NDUFAF7: variants seen among roughly 807,000 people sequenced by gnomAD.
NDUFAF7 encodes protein arginine methyltransferase NDUFAF7, mitochondrial.
NDUFAF7 carries 48 observed loss-of-function variants against 47.2 expected under a neutral mutation model. That is an observed-to-expected ratio of 1.02 (90% CI 0.81 to 1.29). The LOEUF (loss-of-function observed/expected upper bound fraction) is 1.29. NDUFAF7 is among the 50% of genes most tolerant of loss of function. The probability of loss-of-function intolerance (pLI) is 0.00; values close to 1 mark genes in which losing one functional copy is unlikely to be tolerated. For synonymous variants in NDUFAF7, 217 were observed against 190.0 expected (o/e 1.14, Z -1.17); for missense variants, 635 against 537.6 (o/e 1.18, Z -1.79).
At chr2:37,233,266 G>T (rs548135012) in intron 2 of NDUFAF7, among the ~76,000 whole-genome samples, 1 of 152,324 alleles carries the variant, frequency 6.6e-6, no homozygotes, top group South Asian at 2.1e-4. Flanking sequence ...ACCAGGAGCT[G>T]CATTTTATAC....
chr2:37,241,827 G>A, intron 5 of NDUFAF7, 36 bp downstream of exon 5: 1 of 1,575,196 alleles, frequency 6.3e-7, no homozygotes, highest in Non-Finnish European at 8.7e-7. Flanking sequence ...AAAGAATTTT[G>A]ATCACAACCC....
chr2:37,248,358 G>C lies in NDUFAF7; in HGVS notation c.*8G>C, dbSNP rs1308945463. 2 of 1,611,246 alleles carry C rather than the reference G, an allele frequency of 1.2e-6. No individual in the cohort carries two copies. Among genetic ancestry groups the C allele is most frequent in the Non-Finnish European group, 1.7e-6 (2 of 1,177,420 alleles). On this transcript the variant is annotated 3_prime_UTR_variant, in exon 10 of 10. Coordinates refer to ENST00000002125, the MANE Select transcript of NDUFAF7 (RefSeq NM_144736.5). ...GAACTTGCTTGGCAGTGATATTTCA[G>C]CTTGGACATTTTACCCTTCAGTCGG...
chr2:37,235,741 G>C lies in NDUFAF7; in HGVS notation c.217-355G>C, dbSNP rs1665686668. On this transcript the variant is annotated intron_variant, in intron 2 of 9. Transcript: ENST00000002125. ...GCGATCTCGGCTTACTGCAAGCTCT[G>C]CCTCCGAGGTTCACGCCATTTTCCT... 3.3e-5 allele frequency among the ~76,000 whole-genome samples: 5 copies of C among 151,954 alleles called. No homozygotes were observed. The South Asian group carries it at 1.0e-3, about 32-fold the overall frequency.
In NDUFAF7 at chr2:37,249,140, G is replaced by A. The variant is rs752681891; in HGVS notation, c.*790G>A. On this transcript the variant is annotated 3_prime_UTR_variant, in exon 10 of 10. Transcript: ENST00000002125. Reference sequence around the variant, plus strand: ...TGAAGGAGAAAAACTAAATAAATACGAGTAATTTCATAGAAACGAATACAC... The same window carrying A: ...TGAAGGAGAAAAACTAAATAAATACAAGTAATTTCATAGAAACGAATACAC... The A allele has an allele frequency of 6.6e-6, 1 of 152,160 alleles. No individual in the cohort carries two copies. The highest frequency in any genetic ancestry group is 6.5e-5 in the Admixed American group (1 of 15,278). 9.4% of individuals were successfully genotyped at this position (152,160 alleles called of 1,614,324 possible). A position where few individuals can be genotyped will look rare whatever the true frequency, so the allele number is the denominator to read the frequency against.
At chr2:37,270,103 T>G in the NDUFAF7 span, among the ~76,000 whole-genome samples, 4 of 152,146 alleles carry the variant, frequency 2.6e-5, no homozygotes, top group South Asian at 8.3e-4. Context: ...GGTGCATGCC[T>G]GTAATCCTAG....
At position 37,242,267 on chromosome 2, in the gene NDUFAF7, G is replaced by T. The variant is rs891432898; in HGVS notation, c.623-368G>T. On this transcript the variant is annotated intron_variant, in intron 5 of 9. Transcript: ENST00000002125. ...GTCTTGACTCAAAGCCAAAGTGGGGGTACGATCTTGGGTAAGGGATCTCAA... is the reference window on the plus strand; with the variant it reads ...GTCTTGACTCAAAGCCAAAGTGGGGTTACGATCTTGGGTAAGGGATCTCAA... 1.8e-4 allele frequency: 48 copies of T among 262,538 alleles called. No homozygotes were observed. The Admixed American group carries it at 2.4e-3, about 13-fold the overall frequency. The allele number at this position is 262,538 out of a possible 1,614,324, so 16.3% of individuals were successfully genotyped here.
intron 6 of NDUFAF7, 49 bp downstream of exon 6, chr2:37,242,742 T>G (rs1666484531): frequency 1.5e-6 from 2 of 1,367,428 alleles, no homozygotes; most frequent in Non-Finnish European, 2.1e-6. Flanking sequence ...ACAAAAGGCA[T>G]TGTGTTGCCA....
chr2:37,257,151 G>C (rs1197406091), downstream of NDUFAF7, among the ~76,000 whole-genome samples: 1 of 152,104 alleles, frequency 6.6e-6, no homozygotes, highest in Non-Finnish European at 1.5e-5. Flanking sequence ...AGCTTTCCTA[G>C]TACATATTTC....
At chr2:37,238,540 C>T (rs755242912) in intron 4 of NDUFAF7, among the ~76,000 whole-genome samples, 3 of 151,230 alleles carry the variant, frequency 2.0e-5, no homozygotes, top group Non-Finnish European at 4.4e-5. Flanking sequence ...TGCTTGAGGC[C>T]AAGAGTTCAA....
At chr2:37,244,328 T>G (rs1241498552) in intron 7 of NDUFAF7, among the ~76,000 whole-genome samples, 1 of 152,226 alleles carries the variant, frequency 6.6e-6, no homozygotes, top group African/African-American at 2.4e-5. Flanking sequence ...CTATAGTAAA[T>G]TAACAATAAC....
chr2:37,263,571 G>C, the NDUFAF7 span, among the ~76,000 whole-genome samples: 1 of 152,196 alleles, frequency 6.6e-6, no homozygotes, highest in Admixed American at 6.5e-5. Context: ...GTGTTATTTG[G>C]TGTAGTATGA....
chr2:37,261,838 C>G, the NDUFAF7 span, among the ~76,000 whole-genome samples: 1 of 152,178 alleles, frequency 6.6e-6, no homozygotes, highest in African/African-American at 2.4e-5. Flanking sequence ...TACAATTTTT[C>G]AACTGTAGAA....
At chr2:37,233,805 A>G (rs1572525813) in intron 2 of NDUFAF7, among the ~76,000 whole-genome samples, 2 of 152,174 alleles carry the variant, frequency 1.3e-5, no homozygotes, top group Non-Finnish European at 2.9e-5. Context: ...AGAGGCTCTT[A>G]ACCTAGGGAC....
chr2:37,248,171 C>T lies in NDUFAF7; in HGVS notation c.1147C>T (p.Gln383Ter). 3 of 1,613,960 alleles carry T rather than the reference C, an allele frequency of 1.9e-6. No homozygotes were observed. Among genetic ancestry groups the T allele is most frequent in the Non-Finnish European group, 2.5e-6 (3 of 1,179,906 alleles). ...TAAATCAAATGAGCCATCAGTGAGG[C>T]AGCAGTTACTTCAAGGATATGATAT... ...LDKSNEPSVR[Q>*]QLLQGYDMLM... is the part of the protein sequence containing the mutation. The change falls in exon 10 of 10, where the codon CAG becomes TAG. Residue 383 changes from glutamine (Q) to a stop codon, truncating the protein, a stop_gained. Coordinates refer to ENST00000002125, the MANE Select transcript of NDUFAF7 (RefSeq NM_144736.5). LOFTEE classifies it high-confidence loss of function.
At chr2:37,254,174 T>A, downstream of NDUFAF7, 2 of 1,513,850 alleles carry the variant, frequency 1.3e-6, no homozygotes, top group Non-Finnish European at 9.2e-7. Flanking sequence ...CAAATGAGGA[T>A]TGCCAAAGAG....
At chr2:37,247,018 GTAGA>G (rs911104902) in intron 8 of NDUFAF7, among the ~76,000 whole-genome samples, 3 of 152,126 alleles carry the variant, frequency 2.0e-5, no homozygotes, top group African/African-American at 4.8e-5. Flanking sequence ...ATAGTACTCA[GTAGA>G]TAGATTTTCA....
At chr2:37,267,558 G>A in the NDUFAF7 span, 3 of 1,531,944 alleles carry the variant, frequency 2.0e-6, no homozygotes, top group Non-Finnish European at 2.7e-6. Context: ...AAAAGAAGAG[G>A]AACGAATGAA....
intron 8 of NDUFAF7, among the ~76,000 whole-genome samples, chr2:37,246,798 AC>A (rs1247069191): frequency 2.0e-5 from 3 of 152,172 alleles, no homozygotes; most frequent in Admixed American, 6.5e-5. Flanking sequence ...TGTTGAAAAT[AC>A]TCATTCTCTA....
In NDUFAF7 at chr2:37,247,633, A is replaced by C. The variant is rs199598364; in HGVS notation, c.1110+4A>C. On this transcript the variant is annotated splice_donor_region_variant and intron_variant, in intron 9 of 9. Coordinates refer to ENST00000002125, the MANE Select transcript of NDUFAF7 (RefSeq NM_144736.5). ...GGGTATTGATGTCCGGCTGAAGGTA[A>C]GGTTTATTTTATTTCACTGTTATTA... The C allele has an allele frequency of 6.2e-7, 1 of 1,613,644 alleles. No individual in the cohort carries two copies. The highest frequency in any genetic ancestry group is 8.5e-7 in the Non-Finnish European group (1 of 1,179,740).
Sources: gnomAD v4.1 joint callset for allele counts (sites outside exome capture counted in the v4.1 genomes callset) on GRCh38, gnomAD v4.1.1 for gene constraint, MANE v1.5 for transcripts, NCBI Gene and HGNC (gene_info 2026-07-23, HGNC 2026-07-21) for gene names.